OXR1: variants seen among roughly 807,000 people sequenced by gnomAD.
OXR1 encodes oxidation resistance protein 1.
OXR1 carries 41 observed loss-of-function variants against 104.6 expected under a neutral mutation model. The ratio of observed to expected loss-of-function variants is 0.39; its 90% confidence interval spans 0.31 to 0.51. The LOEUF is 0.51. Among genes scored for constraint, OXR1 ranks in the 20% least tolerant of loss-of-function variants. The pLI is 0.77. For missense variants in OXR1, 955 were observed against 1,031.9 expected (o/e 0.93, Z 1.02); for synonymous variants, 348 against 348.4 (o/e 1.00, Z 0.01).
rs921032327 is a variant in OXR1 at position 106,702,900 on chromosome 8, C to T, written c.676-6C>T. On this transcript the variant is annotated splice_region_variant and splice_polypyrimidine_tract_variant and intron_variant, in intron 7 of 16. Transcript: ENST00000517566. ...GATTAAATGTTACTTTCTTTTTTCA[C>T]CTTAGGGCACAGTCAGTGGTGTGCT... 1.2e-6 allele frequency: 2 copies of T among 1,604,644 alleles called. No homozygotes were observed. Among genetic ancestry groups the T allele is most frequent in the African/African-American group, 2.7e-5 (2 of 74,492 alleles).
Position 106,699,075 on chromosome 8 carries a change from T to G in OXR1, c.676-3831T>G, listed in dbSNP as rs73294463. On this transcript the variant is annotated intron_variant, in intron 7 of 16. Transcript: ENST00000517566. ...GGTAATGGCTTGTTCATAAGTTTTGTTAGGACCAGAATAGCCTTTAGTGTG... is the reference window on the plus strand; with the variant it reads ...GGTAATGGCTTGTTCATAAGTTTTGGTAGGACCAGAATAGCCTTTAGTGTG... 9.6e-3 allele frequency among the ~76,000 whole-genome samples: 1,469 copies of G among 152,340 alleles called. 27 individuals are homozygous for G. The highest frequency in any genetic ancestry group is 0.033 in the African/African-American group (1,374 of 41,574).
intron 1 of OXR1, among the ~76,000 whole-genome samples, chr8:106,306,681 G>A (rs527490575): frequency 5.9e-5 from 9 of 152,078 alleles, no homozygotes; most frequent in Non-Finnish European, 1.3e-4. Flanking sequence ...TGTATGATTC[G>A]ATTTTTATCA....
chr8:106,395,221 A>G (rs909917568), intron 2 of OXR1, among the ~76,000 whole-genome samples: 6 of 152,186 alleles, frequency 3.9e-5, no homozygotes, highest in African/African-American at 1.4e-4. Flanking sequence ...GATAAAAGCT[A>G]AAATAAGCAA....
intron 3 of OXR1, among the ~76,000 whole-genome samples, chr8:106,538,622 T>C (rs1356355119): frequency 6.6e-6 from 1 of 152,234 alleles, no homozygotes; most frequent in African/African-American, 2.4e-5. Context: ...ACAACTCTAT[T>C]GCTGGATTAA....
At chr8:106,378,415 T>C (rs749484339) in intron 2 of OXR1, among the ~76,000 whole-genome samples, 1 of 152,214 alleles carries the variant, frequency 6.6e-6, no homozygotes, top group Admixed American at 6.5e-5. Context: ...ATCTCGTTGC[T>C]TCCCCCCACT....
chr8:106,639,095 G>T (rs1216587645), intron 3 of OXR1, among the ~76,000 whole-genome samples: 1 of 152,160 alleles, frequency 6.6e-6, no homozygotes, highest in Non-Finnish European at 1.5e-5. Flanking sequence ...TGGTCATTTT[G>T]AAGTTACTTT....
intron 3 of OXR1, among the ~76,000 whole-genome samples, chr8:106,653,201 A>G (rs1824769148): frequency 6.6e-6 from 1 of 151,652 alleles, no homozygotes; most frequent in Admixed American, 6.6e-5. Context: ...ATGATTAGTA[A>G]CAATCCTTCA....
At chr8:106,374,616 G>C (rs965706898) in intron 2 of OXR1, among the ~76,000 whole-genome samples, 1 of 152,164 alleles carries the variant, frequency 6.6e-6, no homozygotes, top group Non-Finnish European at 1.5e-5. Context: ...ATAGATACAA[G>C]GTTGAATTCA....
intron 3 of OXR1, among the ~76,000 whole-genome samples, chr8:106,646,345 T>G (rs966958846): frequency 6.6e-6 from 1 of 152,024 alleles, no homozygotes; most frequent in African/African-American, 2.4e-5. Flanking sequence ...GACCTCAGGG[T>G]GATCTGCTCA....
chr8:106,565,511 A>G (rs1816999898), intron 3 of OXR1, among the ~76,000 whole-genome samples: 2 of 152,230 alleles, frequency 1.3e-5, no homozygotes, highest in Admixed American at 1.3e-4. Flanking sequence ...TTCCATGCTC[A>G]TGGATAGGAA....
At chr8:106,438,380 T>C (rs1001256322) in intron 2 of OXR1, among the ~76,000 whole-genome samples, 1 of 152,124 alleles carries the variant, frequency 6.6e-6, no homozygotes, top group Non-Finnish European at 1.5e-5. Context: ...ATTTCCCAGA[T>C]TTAATATGAA....
intron 13 of OXR1, 44 bp from the exon 14 acceptor site, chr8:106,740,299 A>AAC: frequency 6.5e-7 from 1 of 1,534,868 alleles, no homozygotes; most frequent in South Asian, 1.2e-5. Flanking sequence ...CTACATAATG[A>AAC]ACAACAAGCT....
At chr8:106,473,432 C>T (rs562842678) in intron 2 of OXR1, among the ~76,000 whole-genome samples, 166 of 151,932 alleles carry the variant, frequency 1.1e-3, no homozygotes, top group African/African-American at 3.8e-3. Context: ...TCATTAAGTA[C>T]CTCATGTTTT....
intron 3 of OXR1, among the ~76,000 whole-genome samples, chr8:106,536,002 C>T (rs868222032): frequency 1.6e-4 from 25 of 152,156 alleles, no homozygotes; most frequent in Middle Eastern, 6.8e-3. Flanking sequence ...GGGCGGATCA[C>T]GAGGTCAGGA....
At chr8:106,505,645 A>T (rs544171557) in intron 2 of OXR1, among the ~76,000 whole-genome samples, 31 of 152,346 alleles carry the variant, frequency 2.0e-4, no homozygotes, top group African/African-American at 5.5e-4. Context: ...GACTTAAAAA[A>T]TAAGAAGCAA....
rs189061542 is a variant in OXR1, at chr8:106,738,084, C to T, written c.2037+484C>T. 2.3e-3 allele frequency among the ~76,000 whole-genome samples: 349 copies of T among 152,082 alleles called. 2 individuals are homozygous for T. Among genetic ancestry groups the T allele is most frequent in the African/African-American group, 8.0e-3 (330 of 41,494 alleles). On this transcript the variant is annotated intron_variant, in intron 12 of 16. Coordinates refer to ENST00000517566, the MANE Select transcript of OXR1 (RefSeq NM_001198533.2). Reference sequence around the variant, plus strand: ...GCATTCTTGGTTGGTATTAGGAGTACATTGGAATAGTACAGTTTAGACACA... The same window carrying T: ...GCATTCTTGGTTGGTATTAGGAGTATATTGGAATAGTACAGTTTAGACACA...
intron 1 of OXR1, among the ~76,000 whole-genome samples, chr8:106,285,651 C>T (rs947810744): frequency 3.3e-5 from 5 of 151,946 alleles, no homozygotes; most frequent in African/African-American, 1.2e-4. Flanking sequence ...AAGCAGAAGA[C>T]GTAAGAAGTT....
chr8:106,289,632 T>G (rs1474434672), intron 1 of OXR1, among the ~76,000 whole-genome samples: 1 of 152,206 alleles, frequency 6.6e-6, no homozygotes, highest in Non-Finnish European at 1.5e-5. Flanking sequence ...AAACCATCAA[T>G]GTAATTCTTC....
chr8:106,414,980 G>A (rs553553396), intron 2 of OXR1, among the ~76,000 whole-genome samples: 3 of 152,252 alleles, frequency 2.0e-5, no homozygotes, highest in African/African-American at 7.2e-5. Context: ...GCCAAACGCT[G>A]TACTGCAGAA....
Sources: allele counts gnomAD v4.1 joint callset (sites outside exome capture counted in the v4.1 genomes callset), GRCh38; gene constraint gnomAD v4.1.1; transcripts MANE v1.5; gene names NCBI Gene and HGNC (gene_info 2026-07-23, HGNC 2026-07-21).